RTF1: variants seen among roughly 807,000 people sequenced by gnomAD.
RTF1 encodes the protein RTF1 homolog, Paf1/RNA polymerase II complex component.
Under a neutral mutation model 95.7 loss-of-function variants are expected in RTF1, and 10 were observed. The observed-to-expected ratio is 0.10, with a 90% CI of 0.06 to 0.18. RTF1 has a LOEUF of 0.18. Ranked by LOEUF, RTF1 falls within the 10% of genes least tolerant of loss-of-function variation. The pLI is 1.00. For missense variants in RTF1, 458 were observed against 875.6 expected, an observed-to-expected ratio of 0.52 and a Z score of 6.02; for synonymous variants, 305 against 311.8, an observed-to-expected ratio of 0.98 and a Z score of 0.23.
At chr15:41,441,282 A>G (rs2050734597) in intron 2 of RTF1, among the ~76,000 whole-genome samples, 1 of 151,986 alleles carries the variant, frequency 6.6e-6, no homozygotes, top group African/African-American at 2.4e-5. Flanking sequence ...CTCTCCCACT[A>G]TTCTTATAGC....
At chr15:41,442,770 T>C (rs994632021) in intron 2 of RTF1, among the ~76,000 whole-genome samples, 4 of 152,012 alleles carry the variant, frequency 2.6e-5, no homozygotes, top group African/African-American at 9.7e-5. Context: ...CCTGTAGTCC[T>C]AGCTACTCGG....
chr15:41,436,339 C>G (rs944844813), intron 1 of RTF1, among the ~76,000 whole-genome samples: 4 of 150,994 alleles, frequency 2.6e-5, no homozygotes, highest in Non-Finnish European at 4.4e-5. Flanking sequence ...CACCGGTAGT[C>G]CCAGCTACTC....
At chr15:41,432,791 T>C (rs1055554901) in intron 1 of RTF1, among the ~76,000 whole-genome samples, 4 of 151,592 alleles carry the variant, frequency 2.6e-5, no homozygotes, top group Non-Finnish European at 4.4e-5. Flanking sequence ...TACAAAAAAT[T>C]AGCCAGGTGT....
At chr15:41,463,175 T>C (rs1053761255) in intron 4 of RTF1, among the ~76,000 whole-genome samples, 2 of 152,248 alleles carry the variant, frequency 1.3e-5, no homozygotes, top group African/African-American at 4.8e-5. Context: ...TTTTTATGTC[T>C]GAGTAATATT....
At chr15:41,434,592 G>A (rs1262766735) in intron 1 of RTF1, among the ~76,000 whole-genome samples, 1 of 151,558 alleles carries the variant, frequency 6.6e-6, no homozygotes, top group African/African-American at 2.4e-5. Flanking sequence ...ATATGGAGTG[G>A]AACCTCCTTA....
chr15:41,421,553 C>A (rs946572633), intron 1 of RTF1, among the ~76,000 whole-genome samples: 6 of 151,014 alleles, frequency 4.0e-5, no homozygotes, highest in Non-Finnish European at 2.9e-5. Context: ...ATTGCTTGAG[C>A]CTGGGAGGTT....
chr15:41,457,572 A>G, intron 3 of RTF1, 100 bp from the exon 4 acceptor site: 2 of 1,006,976 alleles, frequency 2.0e-6, no homozygotes, highest in Non-Finnish European at 3.1e-6. Flanking sequence ...CTGGTTTCTT[A>G]CTGTAGCTGA....
chr15:41,434,380 A>G (rs2050691458), intron 1 of RTF1, among the ~76,000 whole-genome samples: 1 of 152,172 alleles, frequency 6.6e-6, no homozygotes, highest in African/African-American at 2.4e-5. Flanking sequence ...GTAATGATAC[A>G]TGCTGTAATG....
chr15:41,481,539 C>G lies in RTF1; in HGVS notation c.*852C>G, dbSNP rs1165506382. ...TTGGAGAAAACTCCCCAGTTTAGCCCCCTGACCTGCAGGCTGTGTCCTGGC... is the reference window on the plus strand; with the variant it reads ...TTGGAGAAAACTCCCCAGTTTAGCCGCCTGACCTGCAGGCTGTGTCCTGGC... On this transcript the variant is annotated 3_prime_UTR_variant, in exon 18 of 18. Coordinates refer to ENST00000389629, the MANE Select transcript of RTF1 (RefSeq NM_015138.5). 4 of 152,570 alleles carry G rather than the reference C, an allele frequency of 2.6e-5. No homozygotes were observed. Among genetic ancestry groups the G allele is most frequent in the Admixed American group, 2.6e-4 (4 of 15,276 alleles). 9.5% of individuals were successfully genotyped at this position (152,570 alleles called of 1,614,324 possible). A position where few individuals can be genotyped will look rare whatever the true frequency, so the allele number is the denominator to read the frequency against.
chr15:41,477,754 T>A (rs113973642), intron 14 of RTF1, among the ~76,000 whole-genome samples: 1,767 of 152,332 alleles, frequency 0.012, 18 homozygotes, highest in Non-Finnish European at 0.02. Context: ...TATTTGTTTT[T>A]TCTCAATTTC....
intron 9 of RTF1, 103 bp from the exon 10 acceptor site, chr15:41,475,422 T>C: frequency 1.2e-6 from 1 of 842,940 alleles, no homozygotes; most frequent in Non-Finnish European, 2.0e-6. Context: ...TGAGAACCAC[T>C]GCAATAGGTA....
intron 4 of RTF1, among the ~76,000 whole-genome samples, chr15:41,459,225 TAGTC>T (rs1437646171): frequency 2.6e-5 from 4 of 152,026 alleles, no homozygotes; most frequent in Non-Finnish European, 5.9e-5. Context: ...CTACAAAAAA[TAGTC>T]AGGCATGGTG....
chr15:41,423,707 A>G (rs2050614683), intron 1 of RTF1, among the ~76,000 whole-genome samples: 1 of 151,912 alleles, frequency 6.6e-6, no homozygotes, highest in Non-Finnish European at 1.5e-5. Flanking sequence ...GAAAAATACA[A>G]AACTGATCTT....
chr15:41,425,001 T>TA (rs1033169805), intron 1 of RTF1, among the ~76,000 whole-genome samples: 10 of 148,994 alleles, frequency 6.7e-5, no homozygotes, highest in East Asian at 6.3e-4. Context: ...AGACTCCGTC[T>TA]AAAAAAAACA....
intron 2 of RTF1, among the ~76,000 whole-genome samples, chr15:41,438,920 A>G (rs1294014619): frequency 7.4e-5 from 11 of 149,572 alleles, no homozygotes; most frequent in Non-Finnish European, 1.5e-4. Flanking sequence ...TTGTACTGCT[A>G]GTTACCTAGT....
At chr15:41,457,054 C>G (rs2050822145) in intron 3 of RTF1, among the ~76,000 whole-genome samples, 1 of 151,908 alleles carries the variant, frequency 6.6e-6, no homozygotes, top group Non-Finnish European at 1.5e-5. Context: ...CCACTGCACT[C>G]CAGCCTGGGG....
At chr15:41,437,339 CAA>C (rs75683996) in intron 1 of RTF1, among the ~76,000 whole-genome samples, 1 of 137,670 alleles carries the variant, frequency 7.3e-6, no homozygotes, top group African/African-American at 2.7e-5. Context: ...ACTAAAAATA[CAA>C]AAAAAAAAAA....
At chr15:41,438,952 G>A (rs1367463089) in intron 2 of RTF1, among the ~76,000 whole-genome samples, 6 of 149,308 alleles carry the variant, frequency 4.0e-5, no homozygotes, top group Admixed American at 2.7e-4. Flanking sequence ...CAGGACATGC[G>A]TAGTCATTCT....
intron 2 of RTF1, among the ~76,000 whole-genome samples, chr15:41,448,216 G>A (rs1014909393): frequency 1.3e-5 from 2 of 151,828 alleles, no homozygotes; most frequent in African/African-American, 4.8e-5. Context: ...ATCTATTCTT[G>A]AGAAAAAAAA....
Sources: allele counts gnomAD v4.1 joint callset (sites outside exome capture counted in the v4.1 genomes callset), GRCh38; gene constraint gnomAD v4.1.1; transcripts MANE v1.5; gene names NCBI Gene and HGNC (gene_info 2026-07-23, HGNC 2026-07-21).